The following CHRM1 variants were observed in gnomAD, a reference collection of about 807,000 sequenced individuals.
CHRM1 encodes the protein muscarinic acetylcholine receptor M1.
CHRM1 carries 5 observed loss-of-function variants against 31.6 expected under a neutral mutation model. The ratio of observed to expected loss-of-function variants is 0.16; its 90% CI spans 0.08 to 0.33. The LOEUF is 0.33. Among genes scored for constraint, CHRM1 ranks in the 10% least tolerant of loss-of-function variants. The pLI is 1.00. For missense variants in CHRM1, 338 were observed against 610.3 expected, an observed-to-expected ratio of 0.55 and a Z score of 4.70; for synonymous variants, 227 against 249.7, an observed-to-expected ratio of 0.91 and a Z score of 0.86.
intron 1 of CHRM1, among the ~76,000 whole-genome samples, chr11:62,916,002 G>A (rs1345751737): frequency 1.3e-5 from 2 of 152,098 alleles, no homozygotes; most frequent in African/African-American, 4.8e-5. Context: ...GAGAGACAGG[G>A]TTTCACCATG....
intron 1 of CHRM1, chr11:62,917,078 T>C (rs904299417): frequency 2.6e-5 from 4 of 152,284 alleles, no homozygotes; most frequent in Admixed American, 1.3e-4. Flanking sequence ...AGAAGATTCC[T>C]GGAGACGTGC....
At chr11:62,912,239 G>A (rs764594775) in intron 1 of CHRM1, among the ~76,000 whole-genome samples, 11 of 151,938 alleles carry the variant, frequency 7.2e-5, no homozygotes, top group Non-Finnish European at 1.5e-4. Flanking sequence ...GTGGTGGCAC[G>A]CATCTGTAGC....
In CHRM1 at chr11:62,915,029, G is replaced by A. The variant is rs536236961; in HGVS notation, c.-78-3851C>T. 3.9e-5 allele frequency among the ~76,000 whole-genome samples: 6 copies of A among 152,124 alleles called. No homozygotes were observed. The South Asian group carries it at 1.2e-3, about 32-fold the overall frequency. ...GTCTCTACTAAAAATATAAAAATTA[G>A]CCAGGCATGGTGGCGGGCACCTATG... On this transcript the variant is annotated intron_variant, in intron 1 of 1. Transcript: ENST00000306960.
At position 62,911,129 on chromosome 11, in the gene CHRM1, G is replaced by T. The variant is rs762480304; in HGVS notation, c.-29C>A. ...GGCTAGGTGGGGCTGGGGTTGGAGA[G>T]CCCCTTCCTCCAGGCACGCTACAGG... is the stretch of plus-strand genomic sequence containing the variant. On this transcript the variant is annotated 5_prime_UTR_variant, in exon 2 of 2. Coordinates refer to ENST00000306960, the MANE Select transcript of CHRM1 (RefSeq NM_000738.3). 2.5e-6 allele frequency: 4 copies of T among 1,603,360 alleles called. No homozygotes were observed. The South Asian group carries it at 4.5e-5, about 18-fold the overall frequency.
intron 1 of CHRM1, among the ~76,000 whole-genome samples, chr11:62,919,287 G>C (rs1186925777): frequency 6.6e-6 from 1 of 152,170 alleles, no homozygotes; most frequent in Non-Finnish European, 1.5e-5. Flanking sequence ...CATTTTTAAG[G>C]CTCAACAGTT....
chr11:62,912,011 T>C (rs543820589), intron 1 of CHRM1, among the ~76,000 whole-genome samples: 6 of 152,170 alleles, frequency 3.9e-5, no homozygotes, highest in Non-Finnish European at 7.4e-5. Flanking sequence ...TGGGGCTGAA[T>C]TGAATTCTCT....
In CHRM1 at chr11:62,908,685, C is replaced by A. The variant is rs2085850109; in HGVS notation, c.*1033G>T. ...AGTTAGGAAGGCCCCTTAGTGCCCG[C>A]TGGTTATGTGGCTTTATTCACAGAC... On this transcript the variant is annotated 3_prime_UTR_variant, in exon 2 of 2. Transcript: ENST00000306960. The A allele has an allele frequency of 6.5e-6, 1 of 152,796 alleles. No homozygotes were observed. Among genetic ancestry groups the A allele is most frequent in the Non-Finnish European group, 1.5e-5 (1 of 68,114 alleles). 9.5% of individuals were successfully genotyped at this position (152,796 alleles called of 1,614,324 possible).
intron 1 of CHRM1, among the ~76,000 whole-genome samples, chr11:62,912,623 G>A (rs539870235): frequency 1.3e-5 from 2 of 152,348 alleles, no homozygotes; most frequent in South Asian, 4.1e-4. Flanking sequence ...GAGAAAGGCC[G>A]GGGCCCTTAA....
chr11:62,920,587 G>A (rs987172380), intron 1 of CHRM1: 1 of 152,244 alleles, frequency 6.6e-6, no homozygotes, highest in South Asian at 2.1e-4. Context: ...TCCCTGGCTA[G>A]TGTGGCCACC....
At chr11:62,916,330 T>C (rs931105852) in intron 1 of CHRM1, among the ~76,000 whole-genome samples, 1 of 152,238 alleles carries the variant, frequency 6.6e-6, no homozygotes, top group Non-Finnish European at 1.5e-5. Flanking sequence ...GAGGCAAGGC[T>C]GAAGGCTCAA....
chr11:62,919,519 A>G (rs2085919536), intron 1 of CHRM1, among the ~76,000 whole-genome samples: 1 of 152,180 alleles, frequency 6.6e-6, no homozygotes, highest in Non-Finnish European at 1.5e-5. Context: ...GTGTGGCATC[A>G]GAGGTTCTGG....
At chr11:62,921,428 AG>A (rs1053571291), upstream of CHRM1, 8 of 152,352 alleles carry the variant, frequency 5.3e-5, no homozygotes, top group African/African-American at 1.9e-4. Context: ...GAGGGAGGAA[AG>A]GGAGAAAAGG....
intron 1 of CHRM1, among the ~76,000 whole-genome samples, chr11:62,920,038 C>G (rs2085923908): frequency 1.3e-5 from 2 of 152,206 alleles, no homozygotes; most frequent in African/African-American, 4.8e-5. Context: ...CTTCTGCAGC[C>G]CATTTCACTA....
intron 1 of CHRM1, among the ~76,000 whole-genome samples, chr11:62,917,366 G>A (rs2135047262): frequency 6.6e-6 from 1 of 152,336 alleles, no homozygotes; most frequent in East Asian, 1.9e-4. Context: ...GGCACGTCCT[G>A]TGAAGGCATC....
At chr11:62,920,383 A>G (rs1186225690) in intron 1 of CHRM1, among the ~76,000 whole-genome samples, 1 of 152,182 alleles carries the variant, frequency 6.6e-6, no homozygotes, top group Non-Finnish European at 1.5e-5. Context: ...CAACTCTACA[A>G]GCATCAGAGT....
chr11:62,920,078 T>C (rs1021127456), intron 1 of CHRM1, among the ~76,000 whole-genome samples: 7 of 152,196 alleles, frequency 4.6e-5, no homozygotes, highest in African/African-American at 1.2e-4. Context: ...TCAGCCGCGA[T>C]AGCGACTGCA....
rs1361588820 is a variant in CHRM1 at position 62,913,311 on chromosome 11, T to C, written c.-78-2133A>G. On this transcript the variant is annotated intron_variant, in intron 1 of 1. Transcript: ENST00000306960. ...AGGTGCTTAGAATGGCCCTGGCACA[T>C]GGTAAACAGTAGGTCTCCTTTAACT... Among the ~76,000 whole-genome samples, 5 of 152,212 alleles carry C rather than the reference T, an allele frequency of 3.3e-5. No homozygotes were observed. The East Asian group carries it at 7.7e-4, about 23-fold the overall frequency.
intron 1 of CHRM1, among the ~76,000 whole-genome samples, chr11:62,918,720 G>A (rs1009994816): frequency 6.6e-6 from 1 of 152,178 alleles, no homozygotes; most frequent in African/African-American, 2.4e-5. Flanking sequence ...CTTTATTACA[G>A]CAGGCCAGAC....
In CHRM1 at chr11:62,910,243, C is replaced by T. The variant is rs2085862116; in HGVS notation, c.858G>A (p.Glu286=). Residue 286 remains glutamate (E), a synonymous_variant, in exon 2 of 2, where the codon GAG becomes GAA. Coordinates refer to ENST00000306960, the MANE Select transcript of CHRM1 (RefSeq NM_000738.3). This position sits in a 1 kb window ranked among gnomAD's most constrained non-coding sequence, Gnocchi z 8.7. ...CCTCTCCCTCTGAGGATGTGAGGGA[C>T]TCCATGGAGCCTTCGTCCTCTTCCT... ...EEEEEDEGSM[E]SLTSSEGEEP... 1 of 1,613,004 alleles carries T rather than the reference C, an allele frequency of 6.2e-7. No individual in the cohort carries two copies. The highest frequency in any genetic ancestry group is 8.5e-7 in the Non-Finnish European group (1 of 1,179,708).
Sources: gnomAD v4.1 joint callset for allele counts (sites outside exome capture counted in the v4.1 genomes callset) on GRCh38, gnomAD v4.1.1 for gene constraint, Gnocchi (gnomAD v3.1) non-coding constraint, MANE v1.5 for transcripts, NCBI Gene and HGNC (gene_info 2026-07-23, HGNC 2026-07-21) for gene names.